INO80C: variants seen among roughly 807,000 people sequenced by gnomAD.
INO80C encodes the protein INO80 complex subunit C, also known as IES6 homolog.
In INO80C, 17 loss-of-function variants were observed where a neutral mutation model predicts 17.7. The ratio of observed to expected loss-of-function variants is 0.96; its 90% CI spans 0.66 to 1.44. The LOEUF is 1.44. Ranked by LOEUF, INO80C falls within the 40% of genes most tolerant of loss-of-function variation. The pLI is 0.00. For missense variants in INO80C, 244 were observed against 245.0 expected (o/e 1.00, Z 0.03); for synonymous variants, 96 against 95.8 (o/e 1.00, Z -0.01).
At chr18:35,479,643 T>G (rs1030282132) in intron 2 of INO80C, among the ~76,000 whole-genome samples, 7 of 151,974 alleles carry the variant, frequency 4.6e-5, no homozygotes, top group Admixed American at 2.0e-4. Context: ...TGTGCTGGAG[T>G]AGAAATAAAA....
chr18:35,497,164 G>T (rs1049597433), intron 1 of INO80C: 1 of 169,926 alleles, frequency 5.9e-6, no homozygotes, highest in East Asian at 1.9e-4. Context: ...TCTGAGCCAG[G>T]CGCTGAGCTC....
At chr18:35,496,033 C>T (rs893066494) in intron 1 of INO80C, among the ~76,000 whole-genome samples, 1 of 152,142 alleles carries the variant, frequency 6.6e-6, no homozygotes, top group East Asian at 1.9e-4. Flanking sequence ...TTGAGGATTT[C>T]GAGCAACTGG....
intron 1 of INO80C, among the ~76,000 whole-genome samples, chr18:35,486,424 TTAGA>T (rs530251518): frequency 6.6e-6 from 1 of 152,084 alleles, no homozygotes; most frequent in South Asian, 2.1e-4. Flanking sequence ...TATCCTAAAA[TTAGA>T]TAGGATATTG....
chr18:35,484,672 A>C (rs2045852184), intron 1 of INO80C, among the ~76,000 whole-genome samples: 1 of 152,242 alleles, frequency 6.6e-6, no homozygotes, highest in African/African-American at 2.4e-5. Context: ...GAGGATGTGC[A>C]CAAATTATAT....
chr18:35,470,689 T>TAAAC (rs148411734), intron 4 of INO80C, among the ~76,000 whole-genome samples: 1,626 of 152,254 alleles, frequency 0.011, 29 homozygotes, highest in African/African-American at 0.037. Flanking sequence ...GGCTGCTGAA[T>TAAAC]AAACAGTGCA....
chr18:35,497,186 A>T, intron 1 of INO80C: 1 of 217,610 alleles, frequency 4.6e-6, no homozygotes, highest in Non-Finnish European at 7.8e-6. Context: ...GTGCCTTTAC[A>T]CTCATTACTT....
At chr18:35,480,898 G>GA (rs1424694193) in intron 1 of INO80C, among the ~76,000 whole-genome samples, 1 of 152,212 alleles carries the variant, frequency 6.6e-6, no homozygotes, top group Non-Finnish European at 1.5e-5. Flanking sequence ...CCAGCATACA[G>GA]AAAAGAAAAC....
chr18:35,494,250 C>T (rs1000534959), intron 1 of INO80C, among the ~76,000 whole-genome samples: 3 of 152,090 alleles, frequency 2.0e-5, no homozygotes, highest in Non-Finnish European at 4.4e-5. Flanking sequence ...TCCAGTACAC[C>T]CCTGCTACCT....
At position 35,497,805 on chromosome 18, in the gene INO80C, G is replaced by A. The variant is rs372943484; in HGVS notation, c.70C>T (p.Pro24Ser). 2.0e-5 allele frequency: 32 copies of A among 1,612,610 alleles called. No homozygotes were observed. Among genetic ancestry groups the A allele is most frequent in the Non-Finnish European group, 2.6e-5 (31 of 1,179,344 alleles). The change falls in exon 1 of 5, where the codon CCG becomes TCG. Residue 24 changes from proline (P) to serine (S), a missense_variant. By Grantham distance (74) the Pro-to-Ser change is moderately conservative. Transcript: ENST00000334598. ...PGIVRNSKKR[P>S]ASPSHNGSSG... Reference sequence around the variant, plus strand: ...CTGCCATTGTGGGAAGGGCTGGCCGGCCTCTTCTTGCTGTTCCGGACTATT... The same window carrying A: ...CTGCCATTGTGGGAAGGGCTGGCCGACCTCTTCTTGCTGTTCCGGACTATT...
intron 4 of INO80C, among the ~76,000 whole-genome samples, chr18:35,473,609 GA>G (rs1393136103): frequency 2.0e-5 from 3 of 152,160 alleles, no homozygotes; most frequent in South Asian, 4.1e-4. Context: ...GGTTAAGAGG[GA>G]AAGAGAAAAT....
chr18:35,478,496 G>C (rs753471020), intron 3 of INO80C, 147 bp from the exon 4 acceptor site: 9 of 657,748 alleles, frequency 1.4e-5, no homozygotes, highest in Non-Finnish European at 2.3e-5. Flanking sequence ...AGATTAACTA[G>C]AGAAGTAGGG....
intron 1 of INO80C, among the ~76,000 whole-genome samples, chr18:35,486,157 T>C (rs147157765): frequency 3.5e-4 from 53 of 152,274 alleles, no homozygotes; most frequent in African/African-American, 1.3e-3. Context: ...AGTATGTCCA[T>C]AAAATGTAAT....
intron 1 of INO80C, among the ~76,000 whole-genome samples, chr18:35,486,216 G>T (rs1256789993): frequency 6.6e-6 from 1 of 152,106 alleles, no homozygotes; most frequent in East Asian, 1.9e-4. Flanking sequence ...GCTCTGTCAC[G>T]GATAAATCTT....
intron 1 of INO80C, among the ~76,000 whole-genome samples, chr18:35,486,485 A>C (rs2045875512): frequency 6.6e-6 from 1 of 152,342 alleles, no homozygotes; most frequent in South Asian, 2.1e-4. Flanking sequence ...ACTAAATTAT[A>C]CACTTTAAAA....
rs2046002061 is a variant in INO80C, at chr18:35,497,869, C to G, written c.6G>C (p.Ala2=). 1.2e-5 allele frequency: 19 copies of G among 1,566,566 alleles called. No homozygotes were observed. Among genetic ancestry groups the G allele is most frequent in the Non-Finnish European group, 1.3e-5 (15 of 1,153,722 alleles). M[A]AQIPIVATTS... The stretch of plus-strand genomic sequence containing the variant: ...TGGTGGCCACAATTGGAATTTGCGC[C>G]GCCATCGCACTCCGAGTCTTCCCCT... The change falls in exon 1 of 5, where the codon GCG becomes GCC. Residue 2 remains alanine, a synonymous_variant. Transcript: ENST00000334598.
Position 35,468,671 on chromosome 18 carries a change from C to A in INO80C, c.519G>T (p.Leu173=). ...GGTAGCCGGTGACGACGTCAGAGGG[C>A]AGCCTCCGAATGTAGGAAAACTCTT... is the stretch of plus-strand genomic sequence containing the variant. The part of the protein sequence containing the change: ...TIEEFSYIRR[L]PSDVVTGYLA... The change falls in exon 5 of 5, where the codon CTG becomes CTT. Residue 173 remains leucine (L), a synonymous_variant. Coordinates refer to ENST00000334598, the MANE Select transcript of INO80C (RefSeq NM_194281.4). The A allele has an allele frequency of 6.2e-7, 1 of 1,614,080 alleles. No individual in the cohort carries two copies. Among genetic ancestry groups the A allele is most frequent in the Non-Finnish European group, 8.5e-7 (1 of 1,179,984 alleles).
chr18:35,494,630 A>G (rs1288647636), intron 1 of INO80C, among the ~76,000 whole-genome samples: 2 of 152,226 alleles, frequency 1.3e-5, no homozygotes, highest in African/African-American at 4.8e-5. Context: ...GAATTCTGCC[A>G]ACAACCTGAA....
intron 1 of INO80C, 187 bp downstream of exon 1, chr18:35,497,532 G>C (rs923419350): frequency 2.7e-5 from 37 of 1,393,990 alleles, no homozygotes; most frequent in Non-Finnish European, 3.4e-5. Flanking sequence ...ACAACACAAG[G>C]CGTTGTAAGC....
chr18:35,482,870 C>T (rs371653810), intron 1 of INO80C, among the ~76,000 whole-genome samples: 9 of 152,246 alleles, frequency 5.9e-5, no homozygotes, highest in African/African-American at 1.7e-4. Context: ...CTACTCCAGC[C>T]GATTCTCTAC....
Sources: allele counts gnomAD v4.1 joint callset (sites outside exome capture counted in the v4.1 genomes callset), GRCh38; gene constraint gnomAD v4.1.1; transcripts MANE v1.5; gene names NCBI Gene and HGNC (gene_info 2026-07-23, HGNC 2026-07-21).